The following BAHCC1 variants were observed in gnomAD, a reference collection of about 807,000 sequenced individuals.
The protein encoded by BAHCC1 is BAH domain and coiled-coil containing 1.
Under a neutral mutation model 88.2 loss-of-function variants are expected in BAHCC1, and 43 were observed. The ratio of observed to expected loss-of-function variants is 0.49; its 90% CI spans 0.38 to 0.63. BAHCC1 has a LOEUF of 0.63. Ranked by LOEUF, BAHCC1 falls within the 20% of genes least tolerant of loss-of-function variation. The pLI, the probability that BAHCC1 is intolerant of heterozygous loss-of-function variation, is 0.00. For missense variants in BAHCC1, 3,023 were observed against 1,654.8 expected, an observed-to-expected ratio of 1.83 and a Z score of -14.34; for synonymous variants, 1,510 against 745.5, an observed-to-expected ratio of 2.03 and a Z score of -16.71.
intron 2 of BAHCC1, among the ~76,000 whole-genome samples, chr17:81,416,727 G>A (rs943729065): frequency 8.5e-5 from 13 of 152,192 alleles, no homozygotes; most frequent in Admixed American, 2.0e-4. Context: ...ACCTGCCTCC[G>A]CCCACCTTTC....
intron 23 of BAHCC1, 115 bp from the exon 24 acceptor site, chr17:81,460,162 G>A (rs1555658683): frequency 1.5e-6 from 1 of 652,642 alleles, no homozygotes; most frequent in African/African-American, 1.8e-5. Flanking sequence ...TGTGGTCAGG[G>A]AGCAGAACCC....
rs1555647778 is a variant in BAHCC1 at position 81,411,150 on chromosome 17, C to T, written c.178+11233C>T. 1.9e-6 allele frequency: 1 copy of T among 519,222 alleles called. No homozygotes were observed. Among genetic ancestry groups the T allele is most frequent in the Admixed American group, 1.9e-5 (1 of 51,592 alleles). The allele number at this position is 519,222 out of a possible 1,614,324, so 32.2% of individuals were successfully genotyped here. On this transcript the variant is annotated intron_variant, in intron 2 of 27. Transcript: ENST00000675386. This position sits in a 1 kb window ranked among gnomAD's most constrained non-coding sequence, Gnocchi z 6.2. ...CGTGAGTCCATTCATCACGTGCCTGCAGGTGCCTGTGTCCTGTCTCTGCCC... is the reference window on the plus strand; with the variant it reads ...CGTGAGTCCATTCATCACGTGCCTGTAGGTGCCTGTGTCCTGTCTCTGCCC...
rs1175833255 is a variant in BAHCC1 at position 81,399,074 on chromosome 17, C to G, written c.-206-460C>G. On this transcript the variant is annotated intron_variant, in intron 1 of 27. Coordinates refer to ENST00000675386, the MANE Select transcript of BAHCC1 (RefSeq NM_001377448.1). This position sits in a 1 kb window ranked among gnomAD's most constrained non-coding sequence, Gnocchi z 4.5. ...GGGAGAGCTAGTGTGGACCCCAGGC[C>G]TTTTCCTCCGAGACACCTTTGGGCA... 1 of 207,092 alleles carries G rather than the reference C, an allele frequency of 4.8e-6. No individual in the cohort carries two copies. The highest frequency in any genetic ancestry group is 2.4e-5 in the African/African-American group (1 of 41,862). 12.8% of individuals were successfully genotyped at this position (207,092 alleles called of 1,614,324 possible). A position where few individuals can be genotyped will look rare whatever the true frequency, so the allele number is the denominator to read the frequency against.
At chr17:81,397,324 G>A (rs1314233540) in intron 1 of BAHCC1, among the ~76,000 whole-genome samples, 47 of 150,700 alleles carry the variant, frequency 3.1e-4, no homozygotes, top group African/African-American at 1.1e-3. Context: ...TTGTTGCTTC[G>A]TAGCCGAGCC....
chr17:81,395,810 T>TTC (rs2063741019), intron 1 of BAHCC1, 175 bp downstream of exon 1: 1 of 151,924 alleles, frequency 6.6e-6, no homozygotes, highest in East Asian at 1.9e-4. Context: ...GTTGAGGCTT[T>TTC]TTTTTTTCTT....
chr17:81,464,628 G>A lies in BAHCC1; in HGVS notation c.*811G>A, dbSNP rs541472771. 1 of 152,680 alleles carries A rather than the reference G, an allele frequency of 6.5e-6. No homozygotes were observed. Among genetic ancestry groups the A allele is most frequent in the South Asian group, 2.1e-4 (1 of 4,838 alleles). The allele number at this position is 152,680 out of a possible 1,614,324, so 9.5% of individuals were successfully genotyped here. ...CCAGGGAGTGTGACAACAGCCGTGA[G>A]CATCTCACCTGTGTTCAAAACAAGA... On this transcript the variant is annotated 3_prime_UTR_variant, in exon 28 of 28. Coordinates refer to ENST00000675386, the MANE Select transcript of BAHCC1 (RefSeq NM_001377448.1).
At position 81,403,278 on chromosome 17, in the gene BAHCC1, A is replaced by G. The variant is rs566320116; in HGVS notation, c.178+3361A>G. On this transcript the variant is annotated intron_variant, in intron 2 of 27. Coordinates refer to ENST00000675386, the MANE Select transcript of BAHCC1 (RefSeq NM_001377448.1). Reference sequence around the variant, plus strand: ...GGGGCCAGGGCTCCACCAAGGCACTATTTCTCATCTTGGTTTCAATAATCT... The same window carrying G: ...GGGGCCAGGGCTCCACCAAGGCACTGTTTCTCATCTTGGTTTCAATAATCT... 3.3e-5 allele frequency among the ~76,000 whole-genome samples: 5 copies of G among 152,194 alleles called. No individual in the cohort carries two copies. In the South Asian group the frequency reaches 1.0e-3, roughly 32 times the overall value.
rs529672509 is a variant in BAHCC1 at position 81,415,866 on chromosome 17, G to A, written c.179-10934G>A. Among the ~76,000 whole-genome samples, 7 of 152,368 alleles carry A rather than the reference G, an allele frequency of 4.6e-5. No individual in the cohort carries two copies. The South Asian group carries it at 1.2e-3, about 27-fold the overall frequency. On this transcript the variant is annotated intron_variant, in intron 2 of 27. Coordinates refer to ENST00000675386, the MANE Select transcript of BAHCC1 (RefSeq NM_001377448.1). ...GCTCTGGGGGCTGCAACTACCCACA[G>A]AACCATCGAGGACGGCCCAGGATGG... is the stretch of plus-strand genomic sequence containing the variant.
intron 3 of BAHCC1, among the ~76,000 whole-genome samples, chr17:81,428,393 C>T (rs1707286023): frequency 6.6e-6 from 1 of 152,176 alleles, no homozygotes; most frequent in Admixed American, 6.5e-5. Flanking sequence ...CCTGCGGCAG[C>T]CGTGGTGAAC....
At chr17:81,423,333 G>A (rs1487888062) in intron 2 of BAHCC1, among the ~76,000 whole-genome samples, 1 of 152,224 alleles carries the variant, frequency 6.6e-6, no homozygotes, top group Non-Finnish European at 1.5e-5. Context: ...TGCCAGGGCC[G>A]TGCAGGGCAG....
rs782191133 is a variant in BAHCC1 at position 81,443,319 on chromosome 17, G to T, written c.1970G>T (p.Gly657Val). Reference protein sequence around the residue: ...GQKAPLVGLGGLKASCIQQEA... With the variant: ...GQKAPLVGLGVLKASCIQQEA... ...AAAGCACCCTTGGTGGGCCTGGGTG[G>T]CCTCAAGGCCAGCTGCATCCAGCAG... Residue 657 changes from glycine to valine, a missense_variant, in exon 5 of 28, where the codon GGC becomes GTC. Coordinates refer to ENST00000675386, the MANE Select transcript of BAHCC1 (RefSeq NM_001377448.1). The T allele has an allele frequency of 2.6e-6, 2 of 779,150 alleles. No homozygotes were observed. Among genetic ancestry groups the T allele is most frequent in the African/African-American group, 3.4e-5 (2 of 59,128 alleles). 48.3% of individuals were successfully genotyped at this position (779,150 alleles called of 1,614,324 possible).
intron 1 of BAHCC1, among the ~76,000 whole-genome samples, chr17:81,398,678 G>C (rs1215331269): frequency 6.6e-6 from 1 of 152,250 alleles, no homozygotes; most frequent in Non-Finnish European, 1.5e-5. Context: ...TGGGGGGCGG[G>C]GTGATTGTTA....
intron 2 of BAHCC1, among the ~76,000 whole-genome samples, chr17:81,400,380 C>T (rs1292345306): frequency 5.9e-5 from 9 of 152,116 alleles, no homozygotes; most frequent in Admixed American, 6.5e-5. Flanking sequence ...GGTGTGTGCG[C>T]CGGGCGAGCG....
chr17:81,411,742 G>A lies in BAHCC1; in HGVS notation c.178+11825G>A. The A allele has an allele frequency of 3.9e-6, 1 of 256,888 alleles. No individual in the cohort carries two copies. The highest frequency in any genetic ancestry group is 7.8e-6 in the Non-Finnish European group (1 of 127,986). The allele number at this position is 256,888 out of a possible 1,614,324, so 15.9% of individuals were successfully genotyped here. On this transcript the variant is annotated intron_variant, in intron 2 of 27. Transcript: ENST00000675386. The surrounding 1 kb of genome is among the most constrained non-coding windows in gnomAD (Gnocchi z 6.2). ...AGGGAGGCCTCAGCATAGTCCTTGAGCTCTGGGGGCCCCAACCCAGCCTCC... is the reference window on the plus strand; with the variant it reads ...AGGGAGGCCTCAGCATAGTCCTTGAACTCTGGGGGCCCCAACCCAGCCTCC...
rs781942426 is a variant in BAHCC1 at position 81,411,142 on chromosome 17, C to T, written c.178+11225C>T. 3.9e-6 allele frequency: 2 copies of T among 519,328 alleles called. No homozygotes were observed. The highest frequency in any genetic ancestry group is 7.7e-6 in the Non-Finnish European group (2 of 259,810). 32.2% of individuals were successfully genotyped at this position (519,328 alleles called of 1,614,324 possible). ...GTCCTCTGCGTGAGTCCATTCATCA[C>T]GTGCCTGCAGGTGCCTGTGTCCTGT... On this transcript the variant is annotated intron_variant, in intron 2 of 27. Coordinates refer to ENST00000675386, the MANE Select transcript of BAHCC1 (RefSeq NM_001377448.1). This position sits in a 1 kb window ranked among gnomAD's most constrained non-coding sequence, Gnocchi z 6.2.
chr17:81,456,672 G>A (rs1396252431), intron 16 of BAHCC1, 87 bp downstream of exon 16: 8 of 634,590 alleles, frequency 1.3e-5, no homozygotes, highest in African/African-American at 3.7e-5. Context: ...GTTCATGGCC[G>A]CCACCAGGGC....
chr17:81,401,162 G>A (rs1436899177), intron 2 of BAHCC1: 1 of 152,312 alleles, frequency 6.6e-6, no homozygotes, highest in Non-Finnish European at 1.5e-5. Flanking sequence ...TCGGAAAAAG[G>A]GAGGGCACTC....
chr17:81,406,714 G>T (rs1024526891), intron 2 of BAHCC1, among the ~76,000 whole-genome samples: 19 of 152,340 alleles, frequency 1.2e-4, no homozygotes, highest in Admixed American at 5.2e-4. Flanking sequence ...AGCAGCTGCC[G>T]CGGGAGAATC....
In BAHCC1 at chr17:81,462,423, T is replaced by C. The variant is rs74002288; in HGVS notation, c.7384-317T>C. 2,416 of 497,696 alleles carry C rather than the reference T, an allele frequency of 4.9e-3. 58 individuals carry two copies. Among genetic ancestry groups the C allele is most frequent in the African/African-American group, 0.042 (2,171 of 51,698 alleles). The allele number at this position is 497,696 out of a possible 1,614,324, so 30.8% of individuals were successfully genotyped here. ...CCAGGGCACTGCTCGGGGGCGCATG[T>C]GGGGCCACTCGTGGGTCTTTTGCCT... is the stretch of plus-strand genomic sequence containing the variant. On this transcript the variant is annotated intron_variant, in intron 26 of 27. Transcript: ENST00000675386.
Sources: allele counts gnomAD v4.1 joint callset (sites outside exome capture counted in the v4.1 genomes callset), GRCh38; gene constraint gnomAD v4.1.1; non-coding constraint Gnocchi (gnomAD v3.1); transcripts MANE v1.5; gene names NCBI Gene and HGNC (gene_info 2026-07-23, HGNC 2026-07-21).